SMYD3: variants seen among roughly 807,000 people sequenced by gnomAD.
The protein encoded by SMYD3 is histone-lysine N-methyltransferase SMYD3.
Under a neutral mutation model 57.7 loss-of-function variants are expected in SMYD3, and 36 were observed. That is an observed-to-expected ratio of 0.62 (90% confidence interval 0.48 to 0.82). The LOEUF (loss-of-function observed/expected upper bound fraction) is 0.82, where lower values mean the gene tolerates loss of function less well. SMYD3 is among the 40% of genes least tolerant of loss of function. SMYD3 has a pLI of 0.00. For synonymous variants in SMYD3, 211 were observed against 195.0 expected, an observed-to-expected ratio of 1.08 and a Z score of -0.68; for missense variants, 515 against 538.8, an observed-to-expected ratio of 0.96 and a Z score of 0.44.
At chr1:246,114,129 T>C (rs1484034319) in intron 5 of SMYD3, among the ~76,000 whole-genome samples, 1 of 144,432 alleles carries the variant, frequency 6.9e-6, no homozygotes, top group Non-Finnish European at 1.5e-5. Flanking sequence ...AGATGGGCTC[T>C]GACAGGGGAC....
intron 1 of SMYD3, among the ~76,000 whole-genome samples, chr1:246,482,594 C>T (rs1411751693): frequency 6.6e-6 from 1 of 152,168 alleles, no homozygotes; most frequent in Non-Finnish European, 1.5e-5. Context: ...CTCAGAGGTG[C>T]CAGTACACCT....
intron 5 of SMYD3, among the ~76,000 whole-genome samples, chr1:246,304,413 C>T (rs1427944015): frequency 2.0e-5 from 3 of 152,082 alleles, no homozygotes; most frequent in East Asian, 1.9e-4. Context: ...ACATGAAAGA[C>T]TTTCAATGTA....
intron 10 of SMYD3, among the ~76,000 whole-genome samples, chr1:245,834,750 A>G (rs2050021011): frequency 6.6e-6 from 1 of 152,176 alleles, no homozygotes; most frequent in African/African-American, 2.4e-5. Flanking sequence ...AGAAAGGGAG[A>G]TCCTAGTGTC....
chr1:246,495,286 T>C (rs1378652513), intron 1 of SMYD3, among the ~76,000 whole-genome samples: 2 of 144,538 alleles, frequency 1.4e-5, no homozygotes, highest in East Asian at 4.2e-4. Context: ...GAGGCGGAGC[T>C]TGCTGTGAGC....
chr1:246,320,568 T>C (rs990199597), intron 5 of SMYD3, among the ~76,000 whole-genome samples: 1 of 152,204 alleles, frequency 6.6e-6, no homozygotes, highest in Non-Finnish European at 1.5e-5. Context: ...GCCGCCAATC[T>C]AATGCCTGTT....
At chr1:246,233,036 A>G (rs548762685) in intron 5 of SMYD3, among the ~76,000 whole-genome samples, 64 of 134,174 alleles carry the variant, frequency 4.8e-4, no homozygotes, top group Non-Finnish European at 5.4e-4. Context: ...CATATACCAC[A>G]CAGGGGAGAA....
At chr1:246,153,316 C>T (rs981819847) in intron 5 of SMYD3, among the ~76,000 whole-genome samples, 7 of 152,058 alleles carry the variant, frequency 4.6e-5, no homozygotes, top group Admixed American at 4.6e-4. Flanking sequence ...TCCTCTCTGT[C>T]TCCTACAGTC....
chr1:246,331,832 T>G (rs1287608018), intron 3 of SMYD3, among the ~76,000 whole-genome samples: 1 of 152,254 alleles, frequency 6.6e-6, no homozygotes, highest in East Asian at 1.9e-4. Context: ...TTGGTTATTA[T>G]TATATCTGTT....
intron 5 of SMYD3, among the ~76,000 whole-genome samples, chr1:245,994,261 A>G (rs2058877395): frequency 6.6e-6 from 1 of 152,210 alleles, no homozygotes; most frequent in African/African-American, 2.4e-5. Flanking sequence ...TAGCATACAC[A>G]TTAGGAACTC....
intron 5 of SMYD3, among the ~76,000 whole-genome samples, chr1:246,040,019 A>G (rs1260906194): frequency 1.3e-5 from 2 of 152,240 alleles, no homozygotes; most frequent in Non-Finnish European, 2.9e-5. Flanking sequence ...GTCCGACATG[A>G]TCTGTGATGT....
chr1:246,451,164 C>A (rs1429381922), intron 1 of SMYD3, among the ~76,000 whole-genome samples: 2 of 152,210 alleles, frequency 1.3e-5, no homozygotes, highest in Non-Finnish European at 1.5e-5. Context: ...AATGGCAAAG[C>A]ACTTTGCTGG....
chr1:245,751,607 AAAGAGAGAGAGAAAAAG>A (rs2045378116), intron 11 of SMYD3, among the ~76,000 whole-genome samples: 1 of 114,744 alleles, frequency 8.7e-6, no homozygotes, highest in Admixed American at 8.2e-5. Context: ...AGAGAGAGAG[AAAGAGAGAGAGAAAAAG>A]AGAGAGAGAG....
intron 7 of SMYD3, among the ~76,000 whole-genome samples, chr1:245,918,399 G>A (rs1050599253): frequency 1.2e-4 from 18 of 152,098 alleles, no homozygotes; most frequent in African/African-American, 3.6e-4. Context: ...AGAAGCTGGC[G>A]TCCCTTAAGG....
At chr1:245,879,103 T>C (rs1340818825) in intron 8 of SMYD3, among the ~76,000 whole-genome samples, 1 of 152,218 alleles carries the variant, frequency 6.6e-6, no homozygotes. Flanking sequence ...ATCTTGATAA[T>C]GAGGGCACGG....
chr1:246,106,337 T>C (rs2061120161), intron 5 of SMYD3, among the ~76,000 whole-genome samples: 1 of 152,228 alleles, frequency 6.6e-6, no homozygotes, highest in Admixed American at 6.5e-5. Flanking sequence ...TACTGCAGTC[T>C]GAAGCCAGGA....
chr1:245,830,420 A>G (rs972556413), intron 10 of SMYD3, among the ~76,000 whole-genome samples: 1 of 152,222 alleles, frequency 6.6e-6, no homozygotes, highest in Non-Finnish European at 1.5e-5. Flanking sequence ...CCAGGAGAAC[A>G]GTATGGGGGA....
Position 245,776,793 on chromosome 1 carries a change from T to C in SMYD3, c.1077-12644A>G, listed in dbSNP as rs1401066585. 2.0e-5 allele frequency among the ~76,000 whole-genome samples: 3 copies of C among 152,188 alleles called. 1 individual carries two copies. The highest frequency in any genetic ancestry group is 4.1e-4 in the South Asian group (2 of 4,836). On this transcript the variant is annotated intron_variant, in intron 10 of 11. Transcript: ENST00000490107. ...CTAGCACTGCTTAGATGCAGAATCATGAGAAAGTGAGGCGATAGCAGAGGC... is the reference window on the plus strand; with the variant it reads ...CTAGCACTGCTTAGATGCAGAATCACGAGAAAGTGAGGCGATAGCAGAGGC...
intron 5 of SMYD3, among the ~76,000 whole-genome samples, chr1:246,273,165 G>A (rs554940380): frequency 1.7e-4 from 9 of 52,866 alleles, no homozygotes; most frequent in East Asian, 1.6e-3. Flanking sequence ...TTTTTTTGGG[G>A]GGGGGACAGA....
chr1:246,189,225 A>G (rs1488114379), intron 5 of SMYD3: 1 of 152,164 alleles, frequency 6.6e-6, no homozygotes, highest in African/African-American at 2.4e-5. Flanking sequence ...CCACCCCACT[A>G]CACAGAGGCG....
Sources: gnomAD v4.1 joint callset for allele counts (sites outside exome capture counted in the v4.1 genomes callset) on GRCh38, gnomAD v4.1.1 for gene constraint, MANE v1.5 for transcripts, NCBI Gene and HGNC (gene_info 2026-07-23, HGNC 2026-07-21) for gene names.